RBM24: variants seen among roughly 807,000 people sequenced by gnomAD.
RBM24 encodes the protein RNA binding motif protein 24.
RBM24 carries 5 observed loss-of-function variants against 23.6 expected under a neutral mutation model. That is an observed-to-expected ratio of 0.21 (90% CI 0.11 to 0.45). The LOEUF is 0.45. Among genes scored for constraint, RBM24 ranks in the 20% least tolerant of loss-of-function variants. RBM24 has a pLI of 0.99. For synonymous variants in RBM24, 151 were observed against 129.5 expected, an observed-to-expected ratio of 1.17 and a Z score of -1.13; for missense variants, 252 against 314.6, an observed-to-expected ratio of 0.80 and a Z score of 1.51.
intron 1 of RBM24, chr6:17,282,241 T>A (rs569524497): frequency 2.3e-6 from 3 of 1,290,888 alleles, no homozygotes; most frequent in East Asian, 1.1e-4. Context: ...TAAATCATGA[T>A]CCTAGGGCTC....
chr6:17,289,359 T>C (rs768113281), intron 3 of RBM24: 1 of 985,324 alleles, frequency 1.0e-6, no homozygotes, highest in African/African-American at 1.7e-5. Flanking sequence ...TAAAATGTTC[T>C]AGGTTTTCAT....
intron 3 of RBM24, chr6:17,284,963 G>A (rs771108497): frequency 5.5e-6 from 2 of 362,790 alleles, no homozygotes; most frequent in Non-Finnish European, 9.8e-6. Context: ...AAAATACCAG[G>A]TATGACTTGT....
In RBM24 at chr6:17,293,195, A is replaced by G. The variant is rs1760422287; in HGVS notation, c.*1076A>G. On this transcript the variant is annotated 3_prime_UTR_variant, in exon 4 of 4. Transcript: ENST00000379052. ...AAAGGTTAATGATAATGTGGTTTAT[A>G]CTGTGCCTTAATAGTAATGCTATTT... 6.6e-6 allele frequency: 1 copy of G among 152,660 alleles called. No individual in the cohort carries two copies. The highest frequency in any genetic ancestry group is 2.4e-5 in the African/African-American group (1 of 41,456). 9.5% of individuals were successfully genotyped at this position (152,660 alleles called of 1,614,324 possible).
chr6:17,293,773 T>C lies in RBM24; in HGVS notation c.*1654T>C, dbSNP rs1760439069. ...TAGACAGTGTTATGTAATGTAGACA[T>C]GACTCTCCTGTGCAAATTATTTATT... On this transcript the variant is annotated 3_prime_UTR_variant, in exon 4 of 4. Coordinates refer to ENST00000379052, the MANE Select transcript of RBM24 (RefSeq NM_001143942.2). 1 of 152,678 alleles carries C rather than the reference T, an allele frequency of 6.5e-6. No individual in the cohort carries two copies. The highest frequency in any genetic ancestry group is 6.5e-5 in the Admixed American group (1 of 15,286). 9.5% of individuals were successfully genotyped at this position (152,678 alleles called of 1,614,324 possible).
intron 1 of RBM24, chr6:17,282,414 C>G (rs977455505): frequency 1.9e-6 from 1 of 539,978 alleles, no homozygotes; most frequent in Admixed American, 2.3e-5. Context: ...GCTGGACTTT[C>G]TTTAAAGCAA....
intron 3 of RBM24, among the ~76,000 whole-genome samples, chr6:17,291,334 A>G (rs1037075701): frequency 3.9e-5 from 6 of 152,170 alleles, no homozygotes; most frequent in South Asian, 4.1e-4. Context: ...TTTGAGTCCT[A>G]TATTCTTGGC....
At position 17,289,214 on chromosome 6, in the gene RBM24, T is replaced by C. The variant is rs775981609; in HGVS notation, c.348-2542T>C. 823 of 985,322 alleles carry C rather than the reference T, an allele frequency of 8.4e-4. 1 individual carries two copies. The highest frequency in any genetic ancestry group is 9.4e-4 in the Non-Finnish European group (782 of 829,938). The allele number at this position is 985,322 out of a possible 1,614,324, so 61.0% of individuals were successfully genotyped here. A position where few individuals can be genotyped will look rare whatever the true frequency, so the allele number is the denominator to read the frequency against. The stretch of plus-strand genomic sequence containing the variant: ...GATCACCTTAATGGGTCTCAGACTA[T>C]TAAAAAGAACTCCTAATTCAGGATT... On this transcript the variant is annotated intron_variant, in intron 3 of 3. Coordinates refer to ENST00000379052, the MANE Select transcript of RBM24 (RefSeq NM_001143942.2).
Position 17,292,047 on chromosome 6 carries a change from TGCA to T in RBM24, c.645_647del (p.Ala221del). The T allele has an allele frequency of 6.3e-7, 1 of 1,595,028 alleles. No homozygotes were observed. Among genetic ancestry groups the T allele is most frequent in the Non-Finnish European group, 8.5e-7 (1 of 1,175,302 alleles). ...CACCTGGGACAGCTGCCGCCGCCGC[TGCA>T]GCAGCTGCTGCCGCTGCAGCATTTG... is the stretch of plus-strand genomic sequence containing the variant. On this transcript the variant is annotated inframe_deletion, in exon 4 of 4. Coordinates refer to ENST00000379052, the MANE Select transcript of RBM24 (RefSeq NM_001143942.2).
chr6:17,289,748 C>G, intron 3 of RBM24: 1 of 1,057,278 alleles, frequency 9.5e-7, no homozygotes, highest in Non-Finnish European at 1.1e-6. Flanking sequence ...ATTTTACCCG[C>G]TGGAAACCCT....
rs778461086 is a variant in RBM24 at position 17,292,044 on chromosome 6, CGCTGCAGCAGCT to C, written c.642_653del (p.Ala218_Ala221del). ...CGGCACCTGGGACAGCTGCCGCCGC[CGCTGCAGCAGCT>C]GCTGCCGCTGCAGCATTTGGCCAGT... On this transcript the variant is annotated inframe_deletion, in exon 4 of 4. Transcript: ENST00000379052. 6.3e-7 allele frequency: 1 copy of C among 1,595,734 alleles called. No individual in the cohort carries two copies. Among genetic ancestry groups the C allele is most frequent in the Non-Finnish European group, 8.5e-7 (1 of 1,175,388 alleles).
At position 17,281,802 on chromosome 6, in the gene RBM24, C is replaced by T; in HGVS notation, c.168+53C>T. The T allele has an allele frequency of 1.3e-6, 2 of 1,536,146 alleles. No homozygotes were observed. Among genetic ancestry groups the T allele is most frequent in the Non-Finnish European group, 1.8e-6 (2 of 1,138,096 alleles). On this transcript the variant is annotated intron_variant, in intron 1 of 3. Coordinates refer to ENST00000379052, the MANE Select transcript of RBM24 (RefSeq NM_001143942.2). This position sits in a 1 kb window ranked among gnomAD's most constrained non-coding sequence, Gnocchi z 7.1. ...GGAGGGACGGAGTGGCGGCTGACCCCGGGGATCGGGAGCTTGGAGTGAGGG... is the reference window on the plus strand; with the variant it reads ...GGAGGGACGGAGTGGCGGCTGACCCTGGGGATCGGGAGCTTGGAGTGAGGG...
At chr6:17,284,969 C>T in intron 3 of RBM24, 1 of 349,992 alleles carries the variant, frequency 2.9e-6, no homozygotes, top group Non-Finnish European at 5.1e-6. Context: ...CCAGGTATGA[C>T]TTGTGTACAA....
intron 1 of RBM24, 123 bp from the exon 2 acceptor site, chr6:17,282,680 CAA>C: frequency 8.7e-7 from 1 of 1,152,420 alleles, no homozygotes; most frequent in Non-Finnish European, 1.1e-6. Context: ...CCAAAAGAAG[CAA>C]AGAATAGAAA....
chr6:17,282,231 T>C (rs904336722), intron 1 of RBM24: 3 of 1,290,752 alleles, frequency 2.3e-6, no homozygotes, highest in Non-Finnish European at 3.0e-6. Context: ...TAGGTTCTTT[T>C]AAATCATGAT....
At chr6:17,283,967 A>G (rs1025645475) in intron 2 of RBM24, among the ~76,000 whole-genome samples, 1 of 152,196 alleles carries the variant, frequency 6.6e-6, no homozygotes, top group East Asian at 1.9e-4. Flanking sequence ...GTTGATTTTT[A>G]AGCAAATATA....
chr6:17,284,652 G>T lies in RBM24; in HGVS notation c.293-5G>T. ...AATAAAGAATGTGGTATATTTTGTTGTTAGGTTTTGCCTTTGGTGTTCAAC... is the reference window on the plus strand; with the variant it reads ...AATAAAGAATGTGGTATATTTTGTTTTTAGGTTTTGCCTTTGGTGTTCAAC... On this transcript the variant is annotated splice_polypyrimidine_tract_variant and splice_region_variant and intron_variant, in intron 2 of 3. Transcript: ENST00000379052. The T allele has an allele frequency of 6.2e-7, 1 of 1,610,170 alleles. No homozygotes were observed. The highest frequency in any genetic ancestry group is 1.1e-5 in the South Asian group (1 of 90,270).
At chr6:17,290,083 A>G (rs769228853) in intron 3 of RBM24, 174 of 1,289,198 alleles carry the variant, frequency 1.3e-4, no homozygotes, top group Non-Finnish European at 1.7e-4. Flanking sequence ...AATTGAGTGT[A>G]TTTTTATCAT....
chr6:17,281,760 C>A lies in RBM24; in HGVS notation c.168+11C>A, dbSNP rs760300646. ...CGGGGCTATGGATTTGTAAGTTGCA[C>A]GGACTGGGGGTGACGGGGAGGGACG... On this transcript the variant is annotated intron_variant, in intron 1 of 3. Transcript: ENST00000379052. The surrounding 1 kb of genome is among the most constrained non-coding windows in gnomAD (Gnocchi z 7.1). 47 of 1,548,012 alleles carry A rather than the reference C, an allele frequency of 3.0e-5. No homozygotes were observed. The African/African-American group carries it at 4.0e-4, about 13-fold the overall frequency.
Position 17,282,219 on chromosome 6 carries a change from G to A in RBM24, c.168+470G>A, listed in dbSNP as rs77498049. On this transcript the variant is annotated intron_variant, in intron 1 of 3. Transcript: ENST00000379052. ...CATCCCCCCGCCTTTTAACTGCAAA[G>A]GTAGGTTCTTTTAAATCATGATCCT... 7,896 of 1,290,940 alleles carry A rather than the reference G, an allele frequency of 6.1e-3. 401 individuals are homozygous for A. In the African/African-American group the frequency reaches 0.11, roughly 18 times the overall value. 80.0% of individuals were successfully genotyped at this position (1,290,940 alleles called of 1,614,324 possible).
Sources: allele counts gnomAD v4.1 joint callset (sites outside exome capture counted in the v4.1 genomes callset), GRCh38; gene constraint gnomAD v4.1.1; non-coding constraint Gnocchi (gnomAD v3.1); transcripts MANE v1.5; gene names NCBI Gene and HGNC (gene_info 2026-07-23, HGNC 2026-07-21).